ADGRL3: variants seen among roughly 807,000 people sequenced by gnomAD.
The protein encoded by ADGRL3 is adhesion G protein-coupled receptor L3.
Under a neutral mutation model 153.5 loss-of-function variants are expected in ADGRL3, and 62 were observed. The ratio of observed to expected loss-of-function variants is 0.40; its 90% CI spans 0.33 to 0.50. The LOEUF is 0.50. Ranked by LOEUF, ADGRL3 falls within the 20% of genes least tolerant of loss-of-function variation. The pLI is 0.47. For synonymous variants in ADGRL3, 710 were observed against 672.5 expected (o/e 1.06, Z -0.86); for missense variants, 1,641 against 1,859.4 (o/e 0.88, Z 2.16).
At chr4:61,980,011 G>T (rs559047856) in intron 18 of ADGRL3, among the ~76,000 whole-genome samples, 7 of 152,282 alleles carry the variant, frequency 4.6e-5, no homozygotes, top group Non-Finnish European at 5.9e-5. Context: ...TTTTAGAGCA[G>T]TTACTGCTTT....
At chr4:61,694,260 C>T (rs1346933661) in intron 6 of ADGRL3, among the ~76,000 whole-genome samples, 12 of 134,174 alleles carry the variant, frequency 8.9e-5, no homozygotes, top group African/African-American at 3.0e-4. Flanking sequence ...TGGTCTCAAA[C>T]TCCTGGCCTC....
At chr4:61,928,422 T>C (rs1016445898) in intron 13 of ADGRL3, among the ~76,000 whole-genome samples, 1 of 152,188 alleles carries the variant, frequency 6.6e-6, no homozygotes, top group African/African-American at 2.4e-5. Context: ...AGCAAGAGTC[T>C]ATTACTTTTG....
chr4:61,225,401 G>A (rs1233616519), intron 1 of ADGRL3, among the ~76,000 whole-genome samples: 4 of 152,120 alleles, frequency 2.6e-5, no homozygotes, highest in Non-Finnish European at 5.9e-5. Flanking sequence ...TAGCTGTTGT[G>A]CCAATATATA....
At chr4:61,342,159 G>C (rs2095819977) in intron 1 of ADGRL3, among the ~76,000 whole-genome samples, 1 of 151,972 alleles carries the variant, frequency 6.6e-6, no homozygotes, top group African/African-American at 2.4e-5. Flanking sequence ...AATTTTCCTT[G>C]CTGCTGCTGA....
intron 4 of ADGRL3, chr4:61,583,809 C>T: frequency 2.0e-6 from 1 of 507,394 alleles, no homozygotes; most frequent in Non-Finnish European, 3.9e-6. Flanking sequence ...ACACTGTGTT[C>T]TTTGATATAA....
intron 5 of ADGRL3, among the ~76,000 whole-genome samples, chr4:61,616,606 A>G (rs1187806575): frequency 6.6e-6 from 1 of 152,188 alleles, no homozygotes. Flanking sequence ...CTATCCAACT[A>G]TTGACTACAA....
chr4:61,993,346 G>A (rs1414058205), intron 19 of ADGRL3, among the ~76,000 whole-genome samples: 1 of 132,076 alleles, frequency 7.6e-6, no homozygotes, highest in East Asian at 2.4e-4. Flanking sequence ...TGGCTGGGGT[G>A]TAACGGCATG....
At chr4:61,757,504 G>A (rs928220432) in intron 8 of ADGRL3, among the ~76,000 whole-genome samples, 12 of 151,494 alleles carry the variant, frequency 7.9e-5, no homozygotes, top group South Asian at 4.2e-4. Flanking sequence ...TATTTTATTC[G>A]TCTCTCTTTT....
At chr4:61,348,724 T>C (rs1442150385) in intron 1 of ADGRL3, among the ~76,000 whole-genome samples, 2 of 152,036 alleles carry the variant, frequency 1.3e-5, no homozygotes, top group Non-Finnish European at 2.9e-5. Context: ...CCTTAGTAAA[T>C]CATGACTATA....
At chr4:61,218,071 GATAAAGATTATTTCTTAATT>G (rs1291722000) in intron 1 of ADGRL3, among the ~76,000 whole-genome samples, 1 of 152,144 alleles carries the variant, frequency 6.6e-6, no homozygotes, top group Non-Finnish European at 1.5e-5. Flanking sequence ...AGTATGTAAT[GATAAAGATTATTTCTTAATT>G]ATTTGGAACA....
intron 1 of ADGRL3, among the ~76,000 whole-genome samples, chr4:61,298,576 T>C (rs2150304467): frequency 6.6e-6 from 1 of 152,324 alleles, no homozygotes; most frequent in Non-Finnish European, 1.5e-5. Context: ...CTGCACACAA[T>C]CAGTCATTAT....
intron 9 of ADGRL3, among the ~76,000 whole-genome samples, chr4:61,820,534 G>A (rs960527624): frequency 3.3e-5 from 5 of 152,222 alleles, no homozygotes; most frequent in South Asian, 2.1e-4. Flanking sequence ...CTTGCCATAC[G>A]TCTCATTAAT....
intron 5 of ADGRL3, among the ~76,000 whole-genome samples, chr4:61,640,329 C>T (rs1474470988): frequency 6.6e-6 from 1 of 152,154 alleles, no homozygotes; most frequent in Admixed American, 6.5e-5. Flanking sequence ...CTCCCTCAGA[C>T]AAGATTCACC....
chr4:61,935,439 G>A (rs1025478687), intron 14 of ADGRL3, among the ~76,000 whole-genome samples: 1 of 152,052 alleles, frequency 6.6e-6, no homozygotes, highest in Non-Finnish European at 1.5e-5. Flanking sequence ...ATAAAACAGT[G>A]TTTGATAATC....
At chr4:61,536,331 T>C (rs549299619) in intron 4 of ADGRL3, among the ~76,000 whole-genome samples, 4 of 152,236 alleles carry the variant, frequency 2.6e-5, no homozygotes, top group East Asian at 3.9e-4. Context: ...ATCTTCCATG[T>C]GCAGATGAGG....
intron 21 of ADGRL3, among the ~76,000 whole-genome samples, chr4:62,022,594 C>T (rs958510583): frequency 6.6e-6 from 1 of 152,064 alleles, no homozygotes; most frequent in African/African-American, 2.4e-5. Flanking sequence ...TAGACTGACT[C>T]TCTTGTTAGG....
chr4:61,547,434 C>G (rs889256942), intron 4 of ADGRL3, among the ~76,000 whole-genome samples: 2 of 152,008 alleles, frequency 1.3e-5, no homozygotes, highest in Non-Finnish European at 2.9e-5. Flanking sequence ...CCTTCAATCT[C>G]AAGTAGGCAC....
chr4:61,656,662 G>A (rs1246907397), intron 5 of ADGRL3, among the ~76,000 whole-genome samples: 1 of 152,152 alleles, frequency 6.6e-6, no homozygotes, highest in Admixed American at 6.5e-5. Flanking sequence ...GGCAAGTTGA[G>A]ATGTAGCTGT....
chr4:61,330,164 G>A (rs751430320), intron 1 of ADGRL3, among the ~76,000 whole-genome samples: 36 of 152,256 alleles, frequency 2.4e-4, no homozygotes, highest in Non-Finnish European at 1.2e-4. Context: ...ATTCTTTGGT[G>A]AATATGATTG....
Sources: gnomAD v4.1 joint callset for allele counts (sites outside exome capture counted in the v4.1 genomes callset) on GRCh38, gnomAD v4.1.1 for gene constraint, MANE v1.5 for transcripts, NCBI Gene and HGNC (gene_info 2026-07-23, HGNC 2026-07-21) for gene names.